Variants in RB1CC1 observed in about 807,000 individuals in gnomAD.
RB1CC1 encodes the protein RB1 inducible coiled-coil 1.
Under a neutral mutation model 177.5 loss-of-function variants are expected in RB1CC1, and 46 were observed. The ratio of observed to expected loss-of-function variants is 0.26; its 90% CI spans 0.20 to 0.33. The LOEUF (loss-of-function observed/expected upper bound fraction) is 0.33. RB1CC1 is among the 10% of genes least tolerant of loss of function. The pLI, the probability that RB1CC1 is intolerant of heterozygous loss-of-function variation, is 1.00. For synonymous variants in RB1CC1, 666 were observed against 613.6 expected (o/e 1.09, Z -1.26); for missense variants, 1,703 against 1,816.3 (o/e 0.94, Z 1.13).
chr8:52,636,997 T>C (rs1375971282), intron 18 of RB1CC1, among the ~76,000 whole-genome samples: 1 of 152,104 alleles, frequency 6.6e-6, no homozygotes, highest in Non-Finnish European at 1.5e-5. Flanking sequence ...CTTACAAATT[T>C]TAAGATTAGT....
chr8:52,673,255 C>CA (rs1311649521), intron 7 of RB1CC1, among the ~76,000 whole-genome samples: 1 of 152,128 alleles, frequency 6.6e-6, no homozygotes, highest in African/African-American at 2.4e-5. Flanking sequence ...TTCCTGGTGT[C>CA]AAAGATTTTG....
intron 7 of RB1CC1, 92 bp downstream of exon 7, chr8:52,673,753 G>T: frequency 1.7e-6 from 2 of 1,190,678 alleles, no homozygotes; most frequent in Non-Finnish European, 2.3e-6. Context: ...CTACTAAAAG[G>T]TAATACCCAT....
At chr8:52,699,858 T>TATATATATAC (rs756226534) in intron 1 of RB1CC1, among the ~76,000 whole-genome samples, 36 of 102,766 alleles carry the variant, frequency 3.5e-4, no homozygotes, top group African/African-American at 1.0e-3. Flanking sequence ...TATATATATA[T>TATATATATAC]ACACACAAAA....
chr8:52,663,881 A>G (rs983120419), intron 8 of RB1CC1, among the ~76,000 whole-genome samples: 1 of 152,188 alleles, frequency 6.6e-6, no homozygotes, highest in Non-Finnish European at 1.5e-5. Flanking sequence ...CTTGTAGATA[A>G]AGCAATGGAA....
chr8:52,648,827 T>C (rs973072276), intron 15 of RB1CC1, among the ~76,000 whole-genome samples: 6 of 152,320 alleles, frequency 3.9e-5, no homozygotes, highest in Non-Finnish European at 5.9e-5. Context: ...AGAACTTTCA[T>C]CTTTTCACTT....
intron 16 of RB1CC1, among the ~76,000 whole-genome samples, chr8:52,644,551 C>G (rs998110646): frequency 2.0e-5 from 3 of 152,114 alleles, no homozygotes; most frequent in African/African-American, 7.2e-5. Flanking sequence ...TACTGACCTC[C>G]TCATTGTTAA....
intron 22 of RB1CC1, 73 bp downstream of exon 22, chr8:52,627,958 AG>A: frequency 7.5e-7 from 1 of 1,337,854 alleles, no homozygotes; most frequent in Non-Finnish European, 1.0e-6. Context: ...GTAATTAAAC[AG>A]GGAAAAAAAA....
intron 1 of RB1CC1, among the ~76,000 whole-genome samples, chr8:52,695,238 A>G (rs1456293603): frequency 6.6e-6 from 1 of 152,252 alleles, no homozygotes; most frequent in Non-Finnish European, 1.5e-5. Context: ...TAGAAATACT[A>G]GTATAAACAA....
chr8:52,660,243 G>A (rs1039546295), intron 12 of RB1CC1, among the ~76,000 whole-genome samples: 1 of 152,048 alleles, frequency 6.6e-6, no homozygotes, highest in Non-Finnish European at 1.5e-5. Context: ...GGAGGTGGAG[G>A]CTGTAAAGGA....
At chr8:52,689,951 G>GT (rs1854668310) in intron 1 of RB1CC1, among the ~76,000 whole-genome samples, 1 of 152,066 alleles carries the variant, frequency 6.6e-6, no homozygotes, top group Non-Finnish European at 1.5e-5. Flanking sequence ...AAAAAAGGCA[G>GT]TATCTACAGC....
intron 1 of RB1CC1, among the ~76,000 whole-genome samples, chr8:52,713,066 CTT>C (rs1474776327): frequency 3.3e-5 from 5 of 152,202 alleles, no homozygotes; most frequent in Admixed American, 2.6e-4. Flanking sequence ...ACTGTCCAAA[CTT>C]ATGTATAAAT....
chr8:52,673,116 A>C (rs907641163), intron 7 of RB1CC1, among the ~76,000 whole-genome samples: 2 of 152,214 alleles, frequency 1.3e-5, no homozygotes, highest in Admixed American at 6.5e-5. Context: ...TGAATCAAAG[A>C]TGAACTCTTC....
intron 18 of RB1CC1, among the ~76,000 whole-genome samples, chr8:52,641,680 T>C (rs1001461323): frequency 1.3e-5 from 2 of 152,076 alleles, no homozygotes; most frequent in Non-Finnish European, 2.9e-5. Flanking sequence ...CATAATTCTT[T>C]GTGTGGCATA....
intron 6 of RB1CC1, among the ~76,000 whole-genome samples, chr8:52,675,888 GAAAAAAAA>G (rs1268855883): frequency 1.4e-5 from 1 of 72,180 alleles, no homozygotes; most frequent in Non-Finnish European, 2.9e-5. Flanking sequence ...CTCCGTCTCA[GAAAAAAAA>G]AAAAAAAAAA....
At chr8:52,672,214 TCA>T (rs1235400290) in intron 7 of RB1CC1, among the ~76,000 whole-genome samples, 1 of 152,152 alleles carries the variant, frequency 6.6e-6, no homozygotes, top group Non-Finnish European at 1.5e-5. Context: ...ACTTCTTACC[TCA>T]CGTGATCCTC....
chr8:52,623,896 T>TGTGGTTTAATCACTC, intron 23 of RB1CC1, 37 bp from the exon 24 acceptor site: 2 of 1,352,610 alleles, frequency 1.5e-6, no homozygotes, highest in Non-Finnish European at 2.1e-6. Flanking sequence ...ACTAGAGTGA[T>TGTGGTTTAATCACTC]TAAACCACAT....
At chr8:52,666,991 T>C (rs1180833791) in intron 8 of RB1CC1, among the ~76,000 whole-genome samples, 2 of 152,120 alleles carry the variant, frequency 1.3e-5, no homozygotes, top group Non-Finnish European at 2.9e-5. Context: ...CCAAATGGTA[T>C]AAGTCATTAA....
intron 15 of RB1CC1, among the ~76,000 whole-genome samples, chr8:52,649,707 C>T (rs915479101): frequency 5.3e-5 from 8 of 152,196 alleles, no homozygotes; most frequent in African/African-American, 1.4e-4. Context: ...CCCATACTCA[C>T]TCAGATCCAC....
chr8:52,652,459 CAAAAAAAAAAA>C (rs35615959), intron 15 of RB1CC1, among the ~76,000 whole-genome samples: 1 of 92,688 alleles, frequency 1.1e-5, no homozygotes, highest in Non-Finnish European at 2.3e-5. Flanking sequence ...GACTCTGTCT[CAAAAAAAAAAA>C]AAAAAAAAAG....
Sources: gnomAD v4.1 joint callset for allele counts (sites outside exome capture counted in the v4.1 genomes callset) on GRCh38, gnomAD v4.1.1 for gene constraint, MANE v1.5 for transcripts, NCBI Gene and HGNC (gene_info 2026-07-23, HGNC 2026-07-21) for gene names.